CCDC60: variants seen among roughly 807,000 people sequenced by gnomAD.
The protein encoded by CCDC60 is coiled-coil domain-containing protein 60.
Under a neutral mutation model 63.5 loss-of-function variants are expected in CCDC60, and 54 were observed. That is an observed-to-expected ratio of 0.85 (90% CI 0.68 to 1.07). The LOEUF (loss-of-function observed/expected upper bound fraction) is 1.07, where lower values mean the gene tolerates loss of function less well. Ranked by LOEUF, CCDC60 falls within the 50% of genes least tolerant of loss-of-function variation. The pLI is 0.00. For synonymous variants in CCDC60, 206 were observed against 238.8 expected, an observed-to-expected ratio of 0.86 and a Z score of 1.27; for missense variants, 651 against 684.3, an observed-to-expected ratio of 0.95 and a Z score of 0.54.
At chr12:119,354,547 G>A (rs370586591) in intron 1 of CCDC60, among the ~76,000 whole-genome samples, 9 of 152,178 alleles carry the variant, frequency 5.9e-5, no homozygotes, top group Admixed American at 2.0e-4. Context: ...AGCATAAATC[G>A]CCATTTTCTG....
chr12:119,388,462 A>AT (rs1339068200), intron 1 of CCDC60: 2 of 152,228 alleles, frequency 1.3e-5, no homozygotes, highest in African/African-American at 2.4e-5. Flanking sequence ...TTAATAAGGC[A>AT]TTTAAGTTTC....
At chr12:119,432,672 G>A (rs1490293834) in intron 2 of CCDC60, among the ~76,000 whole-genome samples, 1 of 152,182 alleles carries the variant, frequency 6.6e-6, no homozygotes, top group Non-Finnish European at 1.5e-5. Context: ...CCTAAGGAGG[G>A]CGACAAAGCA....
chr12:119,523,883 A>G, intron 11 of CCDC60, 65 bp downstream of exon 11: 1 of 1,526,834 alleles, frequency 6.5e-7, no homozygotes. Flanking sequence ...TATGCCTGCC[A>G]GGTGCCAGGT....
At chr12:119,423,169 A>G (rs1956842933) in intron 1 of CCDC60, among the ~76,000 whole-genome samples, 1 of 152,096 alleles carries the variant, frequency 6.6e-6, no homozygotes, top group African/African-American at 2.4e-5. Flanking sequence ...TAGAATCGTG[A>G]TTTATGACAA....
chr12:119,517,960 G>A (rs1309414759), intron 8 of CCDC60, among the ~76,000 whole-genome samples: 1 of 152,130 alleles, frequency 6.6e-6, no homozygotes, highest in African/African-American at 2.4e-5. Flanking sequence ...AAATAAATGA[G>A]GCACTAGAAG....
intron 2 of CCDC60, among the ~76,000 whole-genome samples, chr12:119,446,740 C>T (rs1418749404): frequency 6.6e-6 from 1 of 151,818 alleles, no homozygotes; most frequent in Non-Finnish European, 1.5e-5. Context: ...GGTTCATTTA[C>T]CTTTTACTTG....
At chr12:119,444,089 T>C (rs1950495829) in intron 2 of CCDC60, among the ~76,000 whole-genome samples, 1 of 152,190 alleles carries the variant, frequency 6.6e-6, no homozygotes, top group African/African-American at 2.4e-5. Context: ...CCCAAAGTTG[T>C]CTCATTCCTG....
intron 2 of CCDC60, among the ~76,000 whole-genome samples, chr12:119,442,463 T>C (rs1290399353): frequency 6.6e-6 from 1 of 152,110 alleles, no homozygotes; most frequent in Non-Finnish European, 1.5e-5. Context: ...AAAAGAATAA[T>C]ATAACAAACT....
intron 13 of CCDC60, among the ~76,000 whole-genome samples, chr12:119,540,362 C>T (rs1953124328): frequency 6.6e-6 from 1 of 152,190 alleles, no homozygotes; most frequent in Non-Finnish European, 1.5e-5. Flanking sequence ...TTCCTGTCCT[C>T]CCCAAATTTC....
intron 2 of CCDC60, among the ~76,000 whole-genome samples, chr12:119,458,753 G>GTTT (rs1950795755): frequency 6.6e-6 from 1 of 151,894 alleles, no homozygotes. Context: ...TTTTGTTTTT[G>GTTT]TTTTTGTTTT....
intron 6 of CCDC60, among the ~76,000 whole-genome samples, chr12:119,502,754 G>A (rs1951886650): frequency 6.6e-6 from 1 of 152,142 alleles, no homozygotes; most frequent in South Asian, 2.1e-4. Context: ...TATAAATGAG[G>A]AAACTGAGGC....
chr12:119,515,548 C>T (rs1412201370), intron 7 of CCDC60, among the ~76,000 whole-genome samples: 1 of 152,056 alleles, frequency 6.6e-6, no homozygotes, highest in Non-Finnish European at 1.5e-5. Flanking sequence ...AGGCTGGCCT[C>T]GAACTCCTGA....
At chr12:119,533,577 T>C (rs1470698060) in intron 13 of CCDC60, among the ~76,000 whole-genome samples, 3 of 152,230 alleles carry the variant, frequency 2.0e-5, no homozygotes, top group African/African-American at 7.2e-5. Flanking sequence ...CTTTAATCCA[T>C]CTTGAATTAA....
chr12:119,393,147 G>A (rs1956190240), intron 1 of CCDC60, among the ~76,000 whole-genome samples: 1 of 152,154 alleles, frequency 6.6e-6, no homozygotes, highest in Non-Finnish European at 1.5e-5. Context: ...CTGGGTGACA[G>A]AGCAAGATCC....
rs577468671 is a variant in CCDC60 at position 119,474,208 on chromosome 12, T to C, written c.341+2044T>C. 3.9e-5 allele frequency among the ~76,000 whole-genome samples: 6 copies of C among 152,310 alleles called. No homozygotes were observed. In the South Asian group the frequency reaches 1.2e-3, roughly 32 times the overall value. On this transcript the variant is annotated intron_variant, in intron 3 of 13. Coordinates refer to ENST00000327554, the MANE Select transcript of CCDC60 (RefSeq NM_178499.5). ...GAATAGGTGTTGGCTTGGATATTCA[T>C]AGAATTTTTTTAAGTTCCCCTAAGC... is the stretch of plus-strand genomic sequence containing the variant.
At chr12:119,344,876 C>CAA (rs1440275136) in intron 1 of CCDC60, among the ~76,000 whole-genome samples, 3 of 151,198 alleles carry the variant, frequency 2.0e-5, no homozygotes, top group African/African-American at 4.9e-5. Context: ...CACACACACA[C>CAA]ACACACACAC....
chr12:119,336,507 C>T (rs1276741615), intron 1 of CCDC60, among the ~76,000 whole-genome samples: 2 of 152,196 alleles, frequency 1.3e-5, no homozygotes, highest in African/African-American at 2.4e-5. Flanking sequence ...GCAGGACTTA[C>T]TCTCAGAGAT....
At chr12:119,360,555 G>A (rs1268319555) in intron 1 of CCDC60, among the ~76,000 whole-genome samples, 16 of 149,884 alleles carry the variant, frequency 1.1e-4, no homozygotes, top group Non-Finnish European at 3.0e-5. Flanking sequence ...GGGCGGAGAC[G>A]CTCCTCACCT....
rs1367170732 is a variant in CCDC60, at chr12:119,452,132, T to C, written c.171-19862T>C. Among the ~76,000 whole-genome samples, 7 of 152,310 alleles carry C rather than the reference T, an allele frequency of 4.6e-5. No individual in the cohort carries two copies. The South Asian group carries it at 6.2e-4, about 14-fold the overall frequency. ...TCTGAAGCTACTTTGCATAGAGATA[T>C]AGCTTTTTTGCATCTTAATTTCACT... On this transcript the variant is annotated intron_variant, in intron 2 of 13. Transcript: ENST00000327554.
Sources: gnomAD v4.1 joint callset for allele counts (sites outside exome capture counted in the v4.1 genomes callset) on GRCh38, gnomAD v4.1.1 for gene constraint, MANE v1.5 for transcripts, NCBI Gene and HGNC (gene_info 2026-07-23, HGNC 2026-07-21) for gene names.